Variants in BPNT2 observed in about 807,000 individuals in gnomAD.
The protein encoded by BPNT2 is 3'(2'), 5'-bisphosphate nucleotidase 2.
Under a neutral mutation model 29.3 loss-of-function variants are expected in BPNT2, and 11 were observed. The ratio of observed to expected loss-of-function variants is 0.38; its 90% confidence interval spans 0.24 to 0.62. BPNT2 has a LOEUF of 0.62. Ranked by LOEUF, BPNT2 falls within the 20% of genes least tolerant of loss-of-function variation. BPNT2 has a pLI of 0.62. For missense variants in BPNT2, 459 were observed against 473.4 expected (o/e 0.97, Z 0.28); for synonymous variants, 195 against 187.7 (o/e 1.04, Z -0.32).
rs1585552643 is a variant in BPNT2 at position 56,961,608 on chromosome 8, T to A, written c.*2185A>T. 1 of 152,016 alleles carries A rather than the reference T, an allele frequency of 6.6e-6. No individual in the cohort carries two copies. Among genetic ancestry groups the A allele is most frequent in the South Asian group, 2.1e-4 (1 of 4,808 alleles). 9.4% of individuals were successfully genotyped at this position (152,016 alleles called of 1,614,324 possible). ...AAATCATCACTTTGGGAGGCCGAGG[T>A]GGGCGGATCACCTGAGGTCGGGAGT... On this transcript the variant is annotated 3_prime_UTR_variant, in exon 5 of 5. Transcript: ENST00000262644.
At chr8:56,977,092 T>C (rs1806153253) in intron 3 of BPNT2, among the ~76,000 whole-genome samples, 1 of 152,198 alleles carries the variant, frequency 6.6e-6, no homozygotes, top group African/African-American at 2.4e-5. Context: ...TTCATGTTTA[T>C]ACTTGGGTCC....
chr8:56,990,056 T>A (rs951383426), intron 1 of BPNT2, among the ~76,000 whole-genome samples: 1 of 152,230 alleles, frequency 6.6e-6, no homozygotes, highest in Admixed American at 6.5e-5. Context: ...AACATGTCAA[T>A]GCAAGTGCTC....
At chr8:56,981,131 C>T (rs951092747) in intron 1 of BPNT2, among the ~76,000 whole-genome samples, 27 of 152,098 alleles carry the variant, frequency 1.8e-4, no homozygotes, top group Admixed American at 2.6e-4. Context: ...CCAGCAACAA[C>T]ACCCTCAGGT....
rs1253797528 is a variant in BPNT2 at position 56,966,284 on chromosome 8, T to A, written c.715A>T (p.Ile239Phe). The change falls in exon 4 of 5, where the codon ATC becomes TTC. Residue 239 changes from isoleucine to phenylalanine, a missense_variant. Ile to Phe is a conservative substitution (Grantham distance 21). Transcript: ENST00000262644. ...CCTGAATGGGAACGAGACACAACGA[T>A]CCTTGGGGTCTTCTCATTGTAGGAA... ...RSSYNEKTPR[I>F]VVSRSHSGMV... 3 of 1,613,964 alleles carry A rather than the reference T, an allele frequency of 1.9e-6. No homozygotes were observed. The highest frequency in any genetic ancestry group is 2.5e-6 in the Non-Finnish European group (3 of 1,179,866).
At chr8:56,964,923 C>T (rs1017148572) in intron 4 of BPNT2, among the ~76,000 whole-genome samples, 38 of 152,170 alleles carry the variant, frequency 2.5e-4, no homozygotes, top group African/African-American at 4.6e-4. Flanking sequence ...CTGGACATTA[C>T]TTTTCCTAAC....
chr8:56,993,619 C>T lies in BPNT2; in HGVS notation c.-34G>A, dbSNP rs1222163476. ...AAGCCGGGCGCTCCGGGCTGCGGCT[C>T]TCACAGGCCTCCAGCGCCCGCCGCC... On this transcript the variant is annotated 5_prime_UTR_variant, in exon 1 of 5. Transcript: ENST00000262644. The T allele has an allele frequency of 1.5e-6, 2 of 1,342,988 alleles. No individual in the cohort carries two copies. The highest frequency in any genetic ancestry group is 1.5e-5 in the African/African-American group (1 of 65,736). 83.2% of individuals were successfully genotyped at this position (1,342,988 alleles called of 1,614,324 possible).
In BPNT2 at chr8:56,986,703, A is replaced by G. The variant is rs757727852; in HGVS notation, c.387+6496T>C. Among the ~76,000 whole-genome samples the G allele has an allele frequency of 7.9e-5, 12 of 152,364 alleles. No homozygotes were observed. In the East Asian group the frequency reaches 2.1e-3, roughly 27 times the overall value. On this transcript the variant is annotated intron_variant, in intron 1 of 4. Coordinates refer to ENST00000262644, the MANE Select transcript of BPNT2 (RefSeq NM_017813.5). ...AGTCAGAACACTAACATTAGCCTAC[A>G]GTTGGGCACAATCATCTAACACAAA...
intron 4 of BPNT2, 174 bp from the exon 5 acceptor site, chr8:56,964,238 C>T: frequency 1.8e-6 from 1 of 562,926 alleles, no homozygotes; most frequent in Non-Finnish European, 3.1e-6. Flanking sequence ...TTTAAAGTAA[C>T]TGTATAAACA....
chr8:56,967,152 C>T, intron 3 of BPNT2: 1 of 456,258 alleles, frequency 2.2e-6, no homozygotes, highest in South Asian at 1.5e-5. Context: ...CAGTCACTCA[C>T]TACAGGGCAA....
chr8:56,975,459 C>T (rs1400990105), intron 3 of BPNT2, among the ~76,000 whole-genome samples: 2 of 151,950 alleles, frequency 1.3e-5, no homozygotes, highest in South Asian at 4.1e-4. Flanking sequence ...CTTTTATATG[C>T]CTGTTTTTTT....
At chr8:56,973,640 G>T (rs1806073128) in intron 3 of BPNT2, among the ~76,000 whole-genome samples, 1 of 152,164 alleles carries the variant, frequency 6.6e-6, no homozygotes, top group Non-Finnish European at 1.5e-5. Flanking sequence ...CACACCAGAG[G>T]ATTAACAGAA....
At chr8:56,972,489 G>A (rs915545493) in intron 3 of BPNT2, among the ~76,000 whole-genome samples, 4 of 151,964 alleles carry the variant, frequency 2.6e-5, no homozygotes, top group African/African-American at 9.7e-5. Flanking sequence ...ACCAACAGGT[G>A]CAAAAACCTT....
At chr8:56,979,447 G>C (rs902110950) in intron 2 of BPNT2, among the ~76,000 whole-genome samples, 4 of 152,068 alleles carry the variant, frequency 2.6e-5, no homozygotes, top group African/African-American at 9.7e-5. Flanking sequence ...GTTACTATTA[G>C]ATATATACAT....
chr8:56,993,639 G>T lies in BPNT2; in HGVS notation c.-54C>A. The T allele has an allele frequency of 9.5e-7, 1 of 1,052,186 alleles. No individual in the cohort carries two copies. 65.2% of individuals were successfully genotyped at this position (1,052,186 alleles called of 1,614,324 possible). A position where few individuals can be genotyped will look rare whatever the true frequency, so the allele number is the denominator to read the frequency against. ...CGGCTCTCACAGGCCTCCAGCGCCC[G>T]CCGCCGCCGCCGCCGCAGCCGCCGC... is the stretch of plus-strand genomic sequence containing the variant. On this transcript the variant is annotated 5_prime_UTR_variant, in exon 1 of 5. Transcript: ENST00000262644.
In BPNT2 at chr8:56,960,694, A is replaced by T. The variant is rs541047868; in HGVS notation, c.*3099T>A. 3.9e-5 allele frequency: 6 copies of T among 152,326 alleles called. No homozygotes were observed. The highest frequency in any genetic ancestry group is 1.2e-4 in the African/African-American group (5 of 41,578). 9.4% of individuals were successfully genotyped at this position (152,326 alleles called of 1,614,324 possible). ...TAAAAGCAAGTTTCCTCAAGCATGC[A>T]TATCTACCCAACTCTCTTGTATTTT... On this transcript the variant is annotated 3_prime_UTR_variant, in exon 5 of 5. Coordinates refer to ENST00000262644, the MANE Select transcript of BPNT2 (RefSeq NM_017813.5).
intron 1 of BPNT2, among the ~76,000 whole-genome samples, chr8:56,984,861 C>T (rs13258952): frequency 0.028 from 4,223 of 152,146 alleles, 80 homozygotes; most frequent in Admixed American, 0.054. Flanking sequence ...GCAGTAAGTG[C>T]TATCCCGTAA....
chr8:56,983,655 A>G (rs934062583), intron 1 of BPNT2, among the ~76,000 whole-genome samples: 1 of 152,200 alleles, frequency 6.6e-6, no homozygotes, highest in Non-Finnish European at 1.5e-5. Flanking sequence ...AGAAAAACCA[A>G]TCCATAATAT....
In BPNT2 at chr8:56,963,683, A is replaced by G. The variant is rs1805883614; in HGVS notation, c.*110T>C. 8.0e-7 allele frequency: 1 copy of G among 1,249,678 alleles called. No homozygotes were observed. 77.4% of individuals were successfully genotyped at this position (1,249,678 alleles called of 1,614,324 possible). On this transcript the variant is annotated 3_prime_UTR_variant, in exon 5 of 5. Coordinates refer to ENST00000262644, the MANE Select transcript of BPNT2 (RefSeq NM_017813.5). ...CTGATGCTTCATAAATACTTTAAAA[A>G]GTTCGGGATGGCCTTAACCATGCAT...
At chr8:56,977,159 C>A (rs1806154708) in intron 3 of BPNT2, among the ~76,000 whole-genome samples, 1 of 152,114 alleles carries the variant, frequency 6.6e-6, no homozygotes, top group African/African-American at 2.4e-5. Flanking sequence ...CAATGTGAAA[C>A]ACTTCTGGTC....
Sources: allele counts gnomAD v4.1 joint callset (sites outside exome capture counted in the v4.1 genomes callset), GRCh38; gene constraint gnomAD v4.1.1; transcripts MANE v1.5; gene names NCBI Gene and HGNC (gene_info 2026-07-23, HGNC 2026-07-21).